SYBU: variants seen among roughly 807,000 people sequenced by gnomAD.
SYBU encodes the protein GOLSYN A protein.
SYBU carries 21 observed loss-of-function variants against 35.9 expected under a neutral mutation model. The observed-to-expected ratio is 0.58, with a 90% CI of 0.41 to 0.84. The LOEUF is 0.84. SYBU is among the 40% of genes least tolerant of loss of function. SYBU has a pLI of 0.00. For synonymous variants in SYBU, 319 were observed against 324.3 expected, an observed-to-expected ratio of 0.98 and a Z score of 0.18; for missense variants, 768 against 848.2, an observed-to-expected ratio of 0.91 and a Z score of 1.17.
At chr8:109,678,762 A>T (rs1817295645) in intron 1 of SYBU, among the ~76,000 whole-genome samples, 1 of 152,138 alleles carries the variant, frequency 6.6e-6, no homozygotes, top group Admixed American at 6.6e-5. Context: ...AAAATCATGC[A>T]GGAAGACAAT....
chr8:109,604,336 C>T (rs1029757870), intron 3 of SYBU, among the ~76,000 whole-genome samples: 14 of 152,218 alleles, frequency 9.2e-5, no homozygotes, highest in African/African-American at 3.1e-4. Flanking sequence ...ATCAATATTG[C>T]ATTACTTTTC....
intron 5 of SYBU, among the ~76,000 whole-genome samples, chr8:109,578,346 C>A (rs1822602501): frequency 6.6e-6 from 1 of 152,154 alleles, no homozygotes; most frequent in Non-Finnish European, 1.5e-5. Context: ...TTGCTGGCAC[C>A]CTGATCTCAG....
At chr8:109,643,679 T>A (rs1209570310) in intron 1 of SYBU, 1 of 157,982 alleles carries the variant, frequency 6.3e-6, no homozygotes, top group East Asian at 1.9e-4. Flanking sequence ...TAAAAATGCG[T>A]AACAGTAATA....
rs1812115133 is a variant in SYBU, at chr8:109,618,861, CTT to C, written c.406_407del (p.Lys136ValfsTer8). On this transcript the variant is annotated frameshift_variant, in exon 3 of 7. Transcript: ENST00000276646. LOFTEE classifies it high-confidence loss of function. ...ACTGACCTGGTTTCACAAGGCCTGACTTTGATTCCTTCTTATATCGAGAGGAC... is the reference window on the plus strand; with the variant it reads ...ACTGACCTGGTTTCACAAGGCCTGACTGATTCCTTCTTATATCGAGAGGAC... ...IQSSRYKKES[K>X]SGLVKPGSEA... 1 of 1,614,044 alleles carries C rather than the reference CTT, an allele frequency of 6.2e-7. No individual in the cohort carries two copies. Among genetic ancestry groups the C allele is most frequent in the Admixed American group, 1.7e-5 (1 of 60,002 alleles).
At chr8:109,603,598 A>G (rs1825774360) in intron 3 of SYBU, 1 of 160,064 alleles carries the variant, frequency 6.2e-6, no homozygotes, top group African/African-American at 2.4e-5. Context: ...TGTTCTGTGA[A>G]AAACCAAAAT....
At chr8:109,588,246 A>G (rs985248583) in intron 3 of SYBU, among the ~76,000 whole-genome samples, 6 of 152,220 alleles carry the variant, frequency 3.9e-5, no homozygotes, top group African/African-American at 4.8e-5. Flanking sequence ...AAATTCTAGA[A>G]CAGGAACAGA....
chr8:109,578,792 G>GACCTAAC (rs1822665158), intron 5 of SYBU, among the ~76,000 whole-genome samples: 1 of 152,198 alleles, frequency 6.6e-6, no homozygotes, highest in Non-Finnish European at 1.5e-5. Flanking sequence ...TTTCTGCACA[G>GACCTAAC]TGTGCCACTG....
At chr8:109,659,614 C>T (rs1252332587) in intron 1 of SYBU, among the ~76,000 whole-genome samples, 1 of 152,174 alleles carries the variant, frequency 6.6e-6, no homozygotes, top group African/African-American at 2.4e-5. Context: ...TCCCTCACCA[C>T]ATTCATAAGA....
intron 1 of SYBU, among the ~76,000 whole-genome samples, chr8:109,659,261 T>G (rs1816474382): frequency 6.6e-6 from 1 of 152,200 alleles, no homozygotes; most frequent in East Asian, 1.9e-4. Flanking sequence ...TAAGATGAGC[T>G]TCTAGTGTGG....
intron 3 of SYBU, chr8:109,608,198 G>A (rs184563134): frequency 1.3e-4 from 56 of 434,882 alleles, no homozygotes; most frequent in Admixed American, 1.1e-3. Flanking sequence ...TGAAACCATC[G>A]CCCTCATGAA....
intron 4 of SYBU, chr8:109,585,714 C>A (rs2129689722): frequency 5.0e-6 from 1 of 201,666 alleles, no homozygotes; most frequent in South Asian, 1.2e-4. Context: ...AGACTCATAG[C>A]TTCACAGAGG....
At position 109,574,962 on chromosome 8, in the gene SYBU, A is replaced by G; in HGVS notation, c.1936T>C (p.Cys646Arg). 6.6e-7 allele frequency: 1 copy of G among 1,521,558 alleles called. No homozygotes were observed. Among genetic ancestry groups the G allele is most frequent in the Non-Finnish European group, 8.8e-7 (1 of 1,135,634 alleles). 94.3% of individuals were successfully genotyped at this position (1,521,558 alleles called of 1,614,324 possible). Residue 646 changes from cysteine (C) to arginine (R), a missense_variant, in exon 7 of 7, where the codon TGT becomes CGT. Cys to Arg is a radical substitution (Grantham distance 180, BLOSUM62 -3). Coordinates refer to ENST00000276646, the MANE Select transcript of SYBU (RefSeq NM_001099754.2). ...VYNIGALLRG[C>R]CVVALHSLRR... ...AGCGAATGCAGGGCAACCACGCAAC[A>G]GCCCCTGAGCAAGGCCCCGATGTTA... is the stretch of plus-strand genomic sequence containing the variant.
At chr8:109,585,346 C>T (rs1823492947) in intron 4 of SYBU, among the ~76,000 whole-genome samples, 1 of 152,208 alleles carries the variant, frequency 6.6e-6, no homozygotes, top group Non-Finnish European at 1.5e-5. Flanking sequence ...TCTGACTCAG[C>T]ATTTTACTTT....
chr8:109,623,327 T>G (rs939765218), intron 2 of SYBU, among the ~76,000 whole-genome samples: 1 of 152,220 alleles, frequency 6.6e-6, no homozygotes, highest in African/African-American at 2.4e-5. Flanking sequence ...TTACATGTCC[T>G]CCTTGATTTT....
At chr8:109,590,599 C>T (rs1427375116) in intron 3 of SYBU, among the ~76,000 whole-genome samples, 1 of 151,798 alleles carries the variant, frequency 6.6e-6, no homozygotes, top group Non-Finnish European at 1.5e-5. Context: ...GAAGTTCAAA[C>T]TTAAAGTATT....
chr8:109,680,096 T>C (rs1817346517), intron 1 of SYBU: 1 of 152,238 alleles, frequency 6.6e-6, no homozygotes, highest in African/African-American at 2.4e-5. Flanking sequence ...TACAGACGTA[T>C]TCAATTTGTA....
chr8:109,616,375 T>C lies in SYBU; in HGVS notation c.427+2467A>G, dbSNP rs530494902. On this transcript the variant is annotated intron_variant, in intron 3 of 6. Coordinates refer to ENST00000276646, the MANE Select transcript of SYBU (RefSeq NM_001099754.2). ...ACTTCTCATCAAGATGAGTGGCTGC[T>C]CTTTAGCAAATGAGTATTTTCTACA... Among the ~76,000 whole-genome samples the C allele has an allele frequency of 7.9e-4, 120 of 152,316 alleles. No individual in the cohort carries two copies. The Middle Eastern group carries it at 0.014, about 17-fold the overall frequency.
At chr8:109,622,130 T>G (rs1322642394) in intron 2 of SYBU, among the ~76,000 whole-genome samples, 1 of 152,052 alleles carries the variant, frequency 6.6e-6, no homozygotes, top group Non-Finnish European at 1.5e-5. Flanking sequence ...AGATTCTTTT[T>G]TTTTCAAGAC....
chr8:109,637,426 G>C (rs867866338), intron 2 of SYBU, among the ~76,000 whole-genome samples: 1 of 152,274 alleles, frequency 6.6e-6, no homozygotes. Context: ...GCAAATTGCA[G>C]TTACCACATT....
Sources: gnomAD v4.1 joint callset for allele counts (sites outside exome capture counted in the v4.1 genomes callset) on GRCh38, gnomAD v4.1.1 for gene constraint, MANE v1.5 for transcripts, NCBI Gene and HGNC (gene_info 2026-07-23, HGNC 2026-07-21) for gene names.